The following CYSLTR2 variants were observed in gnomAD, a reference collection of about 807,000 sequenced individuals.
The protein encoded by CYSLTR2 is G-protein coupled receptor GPCR21.
For synonymous variants in CYSLTR2, 179 were observed against 160.8 expected (o/e 1.11, Z -0.86); for missense variants, 398 against 411.9 (o/e 0.97, Z 0.29).
At chr13:48,666,606 TG>T (rs1467537383) in intron 1 of CYSLTR2, among the ~76,000 whole-genome samples, 2 of 152,214 alleles carry the variant, frequency 1.3e-5, no homozygotes, top group African/African-American at 2.4e-5. Flanking sequence ...ATGCCTTTTT[TG>T]TTTGTCTGCC....
chr13:48,691,150 G>C (rs1954029301), intron 1 of CYSLTR2, 62 bp from the exon 2 acceptor site: 1 of 151,986 alleles, frequency 6.6e-6, no homozygotes, highest in Non-Finnish European at 1.5e-5. Flanking sequence ...CTATCACAAA[G>C]TCAGTGATAG....
In CYSLTR2 at chr13:48,707,491, T is replaced by A. The variant is rs780341015; in HGVS notation, c.674T>A (p.Ile225Asn). The stretch of plus-strand genomic sequence containing the variant: ...CTCAGCATCTGTTATCTGCTGATCA[T>A]TCGGGTTCTGTTAAAAGTGGAGGTC... The part of the protein sequence containing the change: ...FTLSICYLLI[I>N]RVLLKVEVPE... Residue 225 changes from isoleucine (I) to asparagine (N), a missense_variant, in exon 5 of 5, where the codon ATT (isoleucine) becomes AAT (asparagine). Ile to Asn is a moderately radical substitution (Grantham distance 149, BLOSUM62 -3). Coordinates refer to ENST00000682523, the MANE Select transcript of CYSLTR2 (RefSeq NM_001308476.3). The A allele has an allele frequency of 6.8e-6, 11 of 1,612,932 alleles. No individual in the cohort carries two copies. The highest frequency in any genetic ancestry group is 7.6e-6 in the Non-Finnish European group (9 of 1,180,016).
intron 1 of CYSLTR2, among the ~76,000 whole-genome samples, chr13:48,669,745 T>C (rs1336786886): frequency 6.6e-6 from 1 of 152,206 alleles, no homozygotes; most frequent in African/African-American, 2.4e-5. Flanking sequence ...CATACATGTG[T>C]ATGTGTCTTT....
chr13:48,706,937 T>C lies in CYSLTR2; in HGVS notation c.120T>C (p.Phe40=). 6.2e-7 allele frequency: 1 copy of C among 1,614,198 alleles called. No individual in the cohort carries two copies. Among genetic ancestry groups the C allele is most frequent in the Non-Finnish European group, 8.5e-7 (1 of 1,180,028 alleles). The change falls in exon 5 of 5, where the codon TTT becomes TTC. Residue 40 remains phenylalanine, a synonymous_variant. Transcript: ENST00000682523. ...CAATTGAAAACTTCAAGAGAGAATT[T>C]TTCCCAATTGTATATCTGATAATAT... The part of the protein sequence containing the change: ...NCTIENFKRE[F]FPIVYLIIFF...
chr13:48,685,114 A>G (rs546381181), intron 1 of CYSLTR2, among the ~76,000 whole-genome samples: 1 of 152,306 alleles, frequency 6.6e-6, no homozygotes, highest in African/African-American at 2.4e-5. Flanking sequence ...TCATGGTTCC[A>G]TAGGCTGTAC....
At chr13:48,660,304 C>G (rs1953096233) in intron 1 of CYSLTR2, among the ~76,000 whole-genome samples, 2 of 152,274 alleles carry the variant, frequency 1.3e-5, no homozygotes, top group East Asian at 3.9e-4. Flanking sequence ...AAGTTGTTCT[C>G]TGGGAGATAA....
chr13:48,682,263 G>A (rs987067873), intron 1 of CYSLTR2, among the ~76,000 whole-genome samples: 11 of 152,096 alleles, frequency 7.2e-5, no homozygotes, highest in Non-Finnish European at 1.6e-4. Flanking sequence ...CCTTCTGATT[G>A]TGCATTTAGT....
chr13:48,663,373 A>C (rs751709734), intron 1 of CYSLTR2, among the ~76,000 whole-genome samples: 5 of 152,104 alleles, frequency 3.3e-5, no homozygotes, highest in African/African-American at 4.8e-5. Context: ...TATTTATGTG[A>C]AGAATGTCAT....
chr13:48,659,054 C>A (rs369945752), intron 1 of CYSLTR2, among the ~76,000 whole-genome samples: 1 of 152,080 alleles, frequency 6.6e-6, no homozygotes, highest in African/African-American at 2.4e-5. Context: ...TTGAGCTGAC[C>A]ACTGAGATGA....
intron 1 of CYSLTR2, among the ~76,000 whole-genome samples, chr13:48,684,361 A>G (rs533255546): frequency 1.3e-4 from 20 of 151,910 alleles, no homozygotes; most frequent in Non-Finnish European, 2.9e-4. Context: ...GTTTCTATAG[A>G]GAGATGGCAT....
In CYSLTR2 at chr13:48,684,464, T is replaced by G. The variant is rs115511231; in HGVS notation, c.-265-6748T>G. On this transcript the variant is annotated intron_variant, in intron 1 of 4. Transcript: ENST00000682523. ...AGGAGTTTACTTTTTATACCTTATG[T>G]GAATGTGAGAGTTTATGTCATCAGC... Among the ~76,000 whole-genome samples the G allele has an allele frequency of 6.3e-3, 958 of 151,740 alleles. 9 individuals carry two copies. The highest frequency in any genetic ancestry group is 0.018 in the African/African-American group (741 of 41,410).
intron 4 of CYSLTR2, among the ~76,000 whole-genome samples, chr13:48,705,111 G>A (rs1394563126): frequency 1.3e-5 from 2 of 152,068 alleles, no homozygotes; most frequent in Admixed American, 6.5e-5. Context: ...GTTGTTTGGC[G>A]CATACCCATT....
chr13:48,697,749 C>G (rs1451354289), intron 4 of CYSLTR2, among the ~76,000 whole-genome samples: 2 of 152,246 alleles, frequency 1.3e-5, no homozygotes, highest in Middle Eastern at 3.4e-3. Context: ...TAACCCATCA[C>G]AAAGAAGCTA....
At chr13:48,695,369 TCTTTA>T (rs1187293457) in intron 3 of CYSLTR2, among the ~76,000 whole-genome samples, 2 of 133,406 alleles carry the variant, frequency 1.5e-5, no homozygotes, top group Admixed American at 7.6e-5. Context: ...TTTTCCTTTC[TCTTTA>T]TTCTTTCTTT....
intron 1 of CYSLTR2, among the ~76,000 whole-genome samples, chr13:48,678,296 C>A (rs1462034354): frequency 6.6e-6 from 1 of 152,128 alleles, no homozygotes; most frequent in African/African-American, 2.4e-5. Context: ...GGCATGACCA[C>A]CGGACTGGGT....
rs59048527 is a variant in CYSLTR2 at position 48,702,670 on chromosome 13, A to AT, written c.-1-4146dup. ...GATCTATCTGTTTGTCCTTCAGCCA[A>AT]TACCATACATTCTTAATTACTTTAA... is the stretch of plus-strand genomic sequence containing the variant. On this transcript the variant is annotated intron_variant, in intron 4 of 4. Coordinates refer to ENST00000682523, the MANE Select transcript of CYSLTR2 (RefSeq NM_001308476.3). 5.2e-3 allele frequency among the ~76,000 whole-genome samples: 790 copies of AT among 152,292 alleles called. 7 individuals carry two copies. The highest frequency in any genetic ancestry group is 0.018 in the African/African-American group (741 of 41,560).
chr13:48,654,021 G>A lies in CYSLTR2; in HGVS notation c.-266+4G>A, dbSNP rs1952936243. The A allele has an allele frequency of 6.6e-6, 1 of 152,124 alleles. No individual in the cohort carries two copies. Among genetic ancestry groups the A allele is most frequent in the Admixed American group, 6.5e-5 (1 of 15,272 alleles). The allele number at this position is 152,124 out of a possible 1,614,324, so 9.4% of individuals were successfully genotyped here. ...GCTGAAAGACAGAGACCTTCAGGTG[G>A]GCATTTTAATCTTTGTTTTGTTAAT... On this transcript the variant is annotated splice_donor_region_variant and intron_variant, in intron 1 of 4. Coordinates refer to ENST00000682523, the MANE Select transcript of CYSLTR2 (RefSeq NM_001308476.3).
intron 4 of CYSLTR2, among the ~76,000 whole-genome samples, chr13:48,700,131 T>G (rs989520100): frequency 3.3e-5 from 5 of 152,114 alleles, no homozygotes; most frequent in African/African-American, 1.2e-4. Context: ...ACTATTCCAA[T>G]CAATAGAAAA....
chr13:48,683,118 C>T (rs1339060284), intron 1 of CYSLTR2, among the ~76,000 whole-genome samples: 2 of 152,130 alleles, frequency 1.3e-5, no homozygotes, highest in African/African-American at 4.8e-5. Context: ...TTTTCTTTAT[C>T]CAGTCTACCA....
Sources: gnomAD v4.1 joint callset for allele counts (sites outside exome capture counted in the v4.1 genomes callset) on GRCh38, gnomAD v4.1.1 for gene constraint, MANE v1.5 for transcripts, NCBI Gene and HGNC (gene_info 2026-07-23, HGNC 2026-07-21) for gene names.